UBR4: variants seen among roughly 807,000 people sequenced by gnomAD.
The protein encoded by UBR4 is ubiquitin protein ligase E3 component n-recognin 4.
In UBR4, 124 loss-of-function variants were observed where a neutral mutation model predicts 575.6. The ratio of observed to expected loss-of-function variants is 0.22; its 90% CI spans 0.19 to 0.25. UBR4 has a LOEUF of 0.25. UBR4 is among the 10% of genes least tolerant of loss of function. UBR4 has a pLI of 1.00. For missense variants in UBR4, 4,818 were observed against 6,478.8 expected (o/e 0.74, Z 8.80); for synonymous variants, 2,455 against 2,473.7 (o/e 0.99, Z 0.22).
In UBR4 at chr1:19,192,554, AAC is replaced by A. The variant is rs1557987591; in HGVS notation, c.1144-16_1144-15del. On this transcript the variant is annotated splice_polypyrimidine_tract_variant and intron_variant, in intron 9 of 105. Transcript: ENST00000375254. ...ATAGATTTCGAGCTGTACAATATCA[AAC>A]AGACACAAAAATCTGAACAAGCTGA... 1 of 1,614,038 alleles carries A rather than the reference AAC, an allele frequency of 6.2e-7. No individual in the cohort carries two copies. The highest frequency in any genetic ancestry group is 1.1e-5 in the South Asian group (1 of 91,028).
chr1:19,149,751 G>C (rs1340632999), intron 49 of UBR4: 1 of 1,301,262 alleles, frequency 7.7e-7, no homozygotes, highest in Non-Finnish European at 1.0e-6. Flanking sequence ...AAAAGAAAGA[G>C]GGCATACTAA....
At chr1:19,133,367 C>T (rs980007453) in intron 60 of UBR4, among the ~76,000 whole-genome samples, 1 of 152,068 alleles carries the variant, frequency 6.6e-6, no homozygotes, top group Non-Finnish European at 1.5e-5. Flanking sequence ...ATAAAAATCT[C>T]CCAGCAAACT....
intron 74 of UBR4, 96 bp downstream of exon 74, chr1:19,115,301 AG>A (rs2080399069): frequency 1.3e-6 from 2 of 1,500,512 alleles, no homozygotes; most frequent in South Asian, 2.7e-5. Flanking sequence ...AAATGTTCTG[AG>A]GGAATCAGAC....
chr1:19,126,019 G>A lies in UBR4; in HGVS notation c.9438+427C>T, dbSNP rs761110828. 7.0e-4 allele frequency among the ~76,000 whole-genome samples: 106 copies of A among 152,068 alleles called. 3 individuals are homozygous for A. Among genetic ancestry groups the A allele is most frequent in the Non-Finnish European group, 2.4e-4 (16 of 68,024 alleles). On this transcript the variant is annotated intron_variant, in intron 64 of 105. Coordinates refer to ENST00000375254, the MANE Select transcript of UBR4 (RefSeq NM_020765.3). Reference sequence around the variant, plus strand: ...CAGAACTTCTCCATGCTTCAAGACTGGTAAGTAAGAACACAAGATGGGACT... The same window carrying A: ...CAGAACTTCTCCATGCTTCAAGACTAGTAAGTAAGAACACAAGATGGGACT...
At chr1:19,123,770 C>T (rs978132158) in intron 65 of UBR4, among the ~76,000 whole-genome samples, 1 of 152,208 alleles carries the variant, frequency 6.6e-6, no homozygotes, top group Non-Finnish European at 1.5e-5. Flanking sequence ...AAATCCTCAT[C>T]TGAGGTTTGC....
At chr1:19,132,949 G>T (rs968572258) in intron 60 of UBR4, among the ~76,000 whole-genome samples, 2 of 152,142 alleles carry the variant, frequency 1.3e-5, no homozygotes, top group Non-Finnish European at 2.9e-5. Flanking sequence ...AGCATTTAAA[G>T]AATACACCTA....
In UBR4 at chr1:19,075,238, C is replaced by T. The variant is rs79924631; in HGVS notation, c.15488-342G>A. The T allele has an allele frequency of 1.4e-3, 440 of 311,076 alleles. 1 individual carries two copies. Among genetic ancestry groups the T allele is most frequent in the African/African-American group, 8.6e-3 (398 of 46,112 alleles). 19.3% of individuals were successfully genotyped at this position (311,076 alleles called of 1,614,324 possible). A position where few individuals can be genotyped will look rare whatever the true frequency, so the allele number is the denominator to read the frequency against. ...GAGTGGAAGGCACGGAGGCTCGCTGCCTGGCAAAGGCTCTGGCTCTCCCTG... is the reference window on the plus strand; with the variant it reads ...GAGTGGAAGGCACGGAGGCTCGCTGTCTGGCAAAGGCTCTGGCTCTCCCTG... On this transcript the variant is annotated intron_variant, in intron 105 of 105. Coordinates refer to ENST00000375254, the MANE Select transcript of UBR4 (RefSeq NM_020765.3).
intron 3 of UBR4, 42 bp downstream of exon 3, chr1:19,199,609 A>C: frequency 1.3e-6 from 2 of 1,583,320 alleles, no homozygotes; most frequent in Non-Finnish European, 1.7e-6. Flanking sequence ...CAGTCACAAC[A>C]CTGCTTCAGA....
At chr1:19,103,731 A>G (rs552454841) in intron 87 of UBR4, among the ~76,000 whole-genome samples, 2 of 152,362 alleles carry the variant, frequency 1.3e-5, no homozygotes, top group African/African-American at 4.8e-5. Flanking sequence ...AGAGATATGG[A>G]TGACAGAGTG....
intron 103 of UBR4, 117 bp from the exon 104 acceptor site, chr1:19,078,183 C>A: frequency 9.8e-7 from 1 of 1,023,626 alleles, no homozygotes; most frequent in Non-Finnish European, 1.4e-6. Context: ...TCTCGGAGTT[C>A]CAGCGACTAG....
At chr1:19,197,922 T>A (rs2092556746) in intron 6 of UBR4, 25 bp downstream of exon 6, 1 of 1,613,488 alleles carries the variant, frequency 6.2e-7, no homozygotes, top group East Asian at 2.2e-5. Flanking sequence ...GAAATCAGCT[T>A]TCTGATAACA....
Position 19,150,663 on chromosome 1 carries a change from G to C in UBR4, c.7344C>G (p.Ile2448Met). ...TGCTCTGGTTCAGATTTGAAGGGCA[G>C]ATGTTGCTGACAGAGGCAGAAGGGA... ...EEFPSASVSN[I>M]CPSNLNQSNG... The change falls in exon 49 of 106, where the codon ATC becomes ATG. Residue 2448 changes from isoleucine (I) to methionine (M), a missense_variant. This residue lies in a region of UBR4 where 340 missense variants were observed against 375.4 expected (regional missense o/e 0.91). Coordinates refer to ENST00000375254, the MANE Select transcript of UBR4 (RefSeq NM_020765.3). 1 of 1,614,118 alleles carries C rather than the reference G, an allele frequency of 6.2e-7. No individual in the cohort carries two copies. The highest frequency in any genetic ancestry group is 8.5e-7 in the Non-Finnish European group (1 of 1,180,014).
intron 8 of UBR4, among the ~76,000 whole-genome samples, chr1:19,194,483 G>A (rs928251498): frequency 6.6e-6 from 1 of 152,052 alleles, no homozygotes; most frequent in Non-Finnish European, 1.5e-5. Context: ...CTAAGATTCT[G>A]TCTCTTTTTA....
In UBR4 at chr1:19,110,578, C is replaced by CTT. The variant is rs1329211861; in HGVS notation, c.11893-115_11893-114insAA. ...GGCTCCAACAGAGACAAAGGACAGA[C>CTT]GGAGACCCTTGTGCTCCAGGCTCTT... On this transcript the variant is annotated intron_variant, in intron 79 of 105. Transcript: ENST00000375254. This position sits in a 1 kb window ranked among gnomAD's most constrained non-coding sequence, Gnocchi z 4.5. 7.4e-7 allele frequency: 1 copy of CTT among 1,345,972 alleles called. No homozygotes were observed. The highest frequency in any genetic ancestry group is 1.4e-5 in the African/African-American group (1 of 69,370). 83.4% of individuals were successfully genotyped at this position (1,345,972 alleles called of 1,614,324 possible). A position where few individuals can be genotyped will look rare whatever the true frequency, so the allele number is the denominator to read the frequency against.
At chr1:19,194,486 T>C (rs1468810366) in intron 8 of UBR4, among the ~76,000 whole-genome samples, 6 of 152,114 alleles carry the variant, frequency 3.9e-5, no homozygotes, top group African/African-American at 1.4e-4. Flanking sequence ...AGATTCTGTC[T>C]CTTTTTAAAA....
rs778072926 is a variant in UBR4, at chr1:19,086,220, T to G, written c.14738A>C (p.Asn4913Thr). The G allele has an allele frequency of 6.2e-7, 1 of 1,614,012 alleles. No individual in the cohort carries two copies. Among genetic ancestry groups the G allele is most frequent in the South Asian group, 1.1e-5 (1 of 91,060 alleles). ...CGGAAGGAGCCCGTTGCACTTGGTGTTGGCATTCTGCAGGGCGGCACTCTC... is the reference window on the plus strand; with the variant it reads ...CGGAAGGAGCCCGTTGCACTTGGTGGTGGCATTCTGCAGGGCGGCACTCTC... ...EWESAALQNA[N>T]TKCNGLLPVW... The change falls in exon 101 of 106, where the codon AAC becomes ACC. Residue 4913 changes from asparagine (N) to threonine (T), a missense_variant. By Grantham distance (65) the Asn-to-Thr change is moderately conservative. This residue lies in a region of UBR4 where 196 missense variants were observed against 386.8 expected (regional missense o/e 0.51). Transcript: ENST00000375254.
Position 19,173,086 on chromosome 1 carries a change from G to C in UBR4, c.3299C>G (p.Ser1100Cys). 6.2e-7 allele frequency: 1 copy of C among 1,613,932 alleles called. No homozygotes were observed. The highest frequency in any genetic ancestry group is 8.5e-7 in the Non-Finnish European group (1 of 1,179,788). Residue 1100 changes from serine (S) to cysteine (C), a missense_variant, in exon 25 of 106, where the codon TCC (serine) becomes TGC (cysteine). By Grantham distance (112) the Ser-to-Cys change is moderately radical (BLOSUM62 -1). Coordinates refer to ENST00000375254, the MANE Select transcript of UBR4 (RefSeq NM_020765.3). ...VEEYFARQIS[S>C]FCSIDCTTIL... ...GGTGGTACAGTCGATACTACAGAAG[G>C]ATGAGATCTTTAAAAATATGCAAAA...
At chr1:19,099,486 A>C in intron 90 of UBR4, 111 bp downstream of exon 90, 1 of 955,236 alleles carries the variant, frequency 1.0e-6, no homozygotes, top group South Asian at 1.6e-5. Context: ...AAAGCCTTAG[A>C]GAGCTGCTAC....
intron 87 of UBR4, among the ~76,000 whole-genome samples, chr1:19,102,183 T>C (rs112454328): frequency 6.6e-6 from 1 of 152,306 alleles, no homozygotes. Flanking sequence ...CTAGGCAATG[T>C]GGCGAAATGC....
Sources: gnomAD v4.1 joint callset for allele counts (sites outside exome capture counted in the v4.1 genomes callset) on GRCh38, gnomAD v4.1.1 for gene constraint, gnomAD v4.1.1 regional missense constraint, Gnocchi (gnomAD v3.1) non-coding constraint, MANE v1.5 for transcripts, NCBI Gene and HGNC (gene_info 2026-07-23, HGNC 2026-07-21) for gene names.